CTNNA1: variants seen among roughly 807,000 people sequenced by gnomAD.
CTNNA1 encodes the protein catenin alpha-1.
CTNNA1 carries 37 observed loss-of-function variants against 98.4 expected under a neutral mutation model. That is an observed-to-expected ratio of 0.38 (90% CI 0.29 to 0.49). The LOEUF is 0.49. Ranked by LOEUF, CTNNA1 falls within the 20% of genes least tolerant of loss-of-function variation. CTNNA1 has a pLI of 0.95. For synonymous variants in CTNNA1, 404 were observed against 413.2 expected (o/e 0.98, Z 0.27); for missense variants, 761 against 1,147.2 (o/e 0.66, Z 4.86).
At chr5:138,826,360 G>A (rs1004013497) in intron 6 of CTNNA1, among the ~76,000 whole-genome samples, 1 of 152,172 alleles carries the variant, frequency 6.6e-6, no homozygotes, top group Admixed American at 6.5e-5. Context: ...CATAATATTT[G>A]CACAGACATT....
At chr5:138,781,723 C>T (rs1363706075) in intron 1 of CTNNA1, among the ~76,000 whole-genome samples, 200 bp from the exon 2 acceptor site, 1 of 152,124 alleles carries the variant, frequency 6.6e-6, no homozygotes, top group African/African-American at 2.4e-5. Flanking sequence ...TAGTACCCCT[C>T]CTATTTGTAA....
At chr5:138,905,113 T>A (rs1581621394) in intron 10 of CTNNA1, among the ~76,000 whole-genome samples, 3 of 136,024 alleles carry the variant, frequency 2.2e-5, no homozygotes, top group Admixed American at 7.3e-5. Flanking sequence ...AAAAAAAAAA[T>A]ACATACATAC....
Position 138,874,423 on chromosome 5 carries a change from G to A in CTNNA1, c.1063-11789G>A. ...CTGAGTGGAAGCCCTGAGAGTCGCA[G>A]TAGAAGAGCAGCTTCTCGCAGCGGC... is the stretch of plus-strand genomic sequence containing the variant. On this transcript the variant is annotated intron_variant, in intron 7 of 17. Coordinates refer to ENST00000302763, the MANE Select transcript of CTNNA1 (RefSeq NM_001903.5). The surrounding 1 kb of genome is among the most constrained non-coding windows in gnomAD (Gnocchi z 4.1). 6.2e-7 allele frequency: 1 copy of A among 1,613,972 alleles called. No individual in the cohort carries two copies. Among genetic ancestry groups the A allele is most frequent in the Non-Finnish European group, 8.5e-7 (1 of 1,179,882 alleles).
intron 1 of CTNNA1, among the ~76,000 whole-genome samples, chr5:138,760,807 C>T (rs1031253163): frequency 9.9e-5 from 15 of 152,128 alleles, no homozygotes; most frequent in Non-Finnish European, 1.8e-4. Flanking sequence ...CCACTTTAGA[C>T]ATTCTTGATC....
chr5:138,891,612 T>C (rs907198106), intron 9 of CTNNA1, among the ~76,000 whole-genome samples: 1 of 152,054 alleles, frequency 6.6e-6, no homozygotes, highest in Non-Finnish European at 1.5e-5. Context: ...ATACAAAAAT[T>C]AGCCGGGCAT....
At chr5:138,806,546 C>A (rs1758102154) in intron 3 of CTNNA1, among the ~76,000 whole-genome samples, 2 of 152,118 alleles carry the variant, frequency 1.3e-5, no homozygotes, top group African/African-American at 4.8e-5. Context: ...CTGTAGCTTT[C>A]TGATCCATCT....
intron 7 of CTNNA1, among the ~76,000 whole-genome samples, chr5:138,852,871 G>GCGCGCGCGCA (rs869240008): frequency 6.6e-6 from 1 of 151,240 alleles, no homozygotes; most frequent in African/African-American, 2.4e-5. Context: ...GCGCGCGCGC[G>GCGCGCGCGCA]CACACACACA....
intron 5 of CTNNA1, among the ~76,000 whole-genome samples, chr5:138,821,724 C>T (rs1760064745): frequency 6.6e-6 from 1 of 152,156 alleles, no homozygotes; most frequent in Non-Finnish European, 1.5e-5. Flanking sequence ...ACATTGAAAG[C>T]AGTTCTTTGT....
intron 1 of CTNNA1, among the ~76,000 whole-genome samples, chr5:138,777,188 G>A (rs1754395604): frequency 6.6e-6 from 1 of 152,184 alleles, no homozygotes; most frequent in African/African-American, 2.4e-5. Flanking sequence ...CGGGGTCGCG[G>A]CCGGGTAGAG....
At chr5:138,756,024 C>T (rs893483812) in intron 1 of CTNNA1, among the ~76,000 whole-genome samples, 13 of 101,994 alleles carry the variant, frequency 1.3e-4, no homozygotes, top group Non-Finnish European at 4.1e-5. Flanking sequence ...CTACCACGCC[C>T]GGCTTATTTA....
intron 7 of CTNNA1, among the ~76,000 whole-genome samples, chr5:138,885,017 A>G (rs919623810): frequency 1.3e-5 from 2 of 152,166 alleles, no homozygotes; most frequent in Non-Finnish European, 2.9e-5. Context: ...AATTTTACTT[A>G]TATTTCAACT....
intron 7 of CTNNA1, chr5:138,875,609 T>A: frequency 2.0e-6 from 2 of 985,436 alleles, no homozygotes; most frequent in Non-Finnish European, 2.4e-6. Flanking sequence ...TGAGTTGGGT[T>A]AGCAGAGTGA....
chr5:138,813,113 A>G (rs894398597), intron 5 of CTNNA1, among the ~76,000 whole-genome samples: 4 of 152,206 alleles, frequency 2.6e-5, no homozygotes, highest in Admixed American at 1.3e-4. Flanking sequence ...CTCATTAAGT[A>G]TAAGTCCTGA....
intron 7 of CTNNA1, chr5:138,880,971 A>G (rs191370157): frequency 9.0e-6 from 4 of 445,288 alleles, no homozygotes; most frequent in African/African-American, 6.0e-5. Context: ...TGATGTTGTT[A>G]ATGCAAAGAA....
At chr5:138,753,787 G>A (rs1169894341) in intron 1 of CTNNA1, 3 of 269,158 alleles carry the variant, frequency 1.1e-5, no homozygotes. Context: ...GCCTGGGCTG[G>A]GGAGGAGAAA....
chr5:138,851,907 A>AACAC (rs911372702), intron 7 of CTNNA1, among the ~76,000 whole-genome samples: 1 of 151,760 alleles, frequency 6.6e-6, no homozygotes, highest in Non-Finnish European at 1.5e-5. Flanking sequence ...ATACAAACAA[A>AACAC]ACAAAACAAA....
intron 3 of CTNNA1, among the ~76,000 whole-genome samples, chr5:138,795,240 T>A (rs1323751488): frequency 1.3e-5 from 2 of 148,312 alleles, no homozygotes; most frequent in East Asian, 4.0e-4. Flanking sequence ...GGTGGGTGGA[T>A]CACGAGGTCA....
intron 1 of CTNNA1, among the ~76,000 whole-genome samples, chr5:138,780,791 C>G (rs1755000621): frequency 6.6e-6 from 1 of 152,172 alleles, no homozygotes; most frequent in African/African-American, 2.4e-5. Context: ...GCTGGGATTA[C>G]AGGAGTGAGC....
rs144401979 is a variant in CTNNA1 at position 138,804,804 on chromosome 5, G to A, written c.302-5234G>A. 4.1e-3 allele frequency among the ~76,000 whole-genome samples: 626 copies of A among 152,124 alleles called. 1 individual carries two copies. The highest frequency in any genetic ancestry group is 0.017 in the Middle Eastern group (5 of 292). On this transcript the variant is annotated intron_variant, in intron 3 of 17. Coordinates refer to ENST00000302763, the MANE Select transcript of CTNNA1 (RefSeq NM_001903.5). ...TTAGGTTGGTGCAAAAGTAGTTATG[G>A]TTTTGGCCATTTAAAAAAAAGGTGA...
Sources: allele counts gnomAD v4.1 joint callset (sites outside exome capture counted in the v4.1 genomes callset), GRCh38; gene constraint gnomAD v4.1.1; non-coding constraint Gnocchi (gnomAD v3.1); transcripts MANE v1.5; gene names NCBI Gene and HGNC (gene_info 2026-07-23, HGNC 2026-07-21).